ATP12A: variants seen among roughly 807,000 people sequenced by gnomAD.
ATP12A encodes the protein potassium-transporting ATPase alpha chain 2.
In ATP12A, 81 loss-of-function variants were observed where a neutral mutation model predicts 111.2. The observed-to-expected ratio is 0.73, with a 90% CI of 0.61 to 0.88. ATP12A has a LOEUF of 0.88. Among genes scored for constraint, ATP12A ranks in the 40% least tolerant of loss-of-function variants. The pLI is 0.00. For synonymous variants in ATP12A, 498 were observed against 499.8 expected (o/e 1.00, Z 0.05); for missense variants, 1,196 against 1,313.1 (o/e 0.91, Z 1.38).
chr13:24,708,952 A>G (rs923532872), intron 17 of ATP12A, among the ~76,000 whole-genome samples: 8 of 140,492 alleles, frequency 5.7e-5, no homozygotes, highest in African/African-American at 1.6e-4. Flanking sequence ...AAAGAAAGAA[A>G]GAAAGAAAGA....
intron 10 of ATP12A, among the ~76,000 whole-genome samples, chr13:24,693,143 C>T (rs1194224028): frequency 6.6e-6 from 1 of 152,198 alleles, no homozygotes; most frequent in Non-Finnish European, 1.5e-5. Flanking sequence ...AATGAATGCA[C>T]TTCTAAGTTA....
At chr13:24,687,439 G>A (rs1015488810) in intron 3 of ATP12A, among the ~76,000 whole-genome samples, 1 of 151,130 alleles carries the variant, frequency 6.6e-6, no homozygotes, top group African/African-American at 2.4e-5. Flanking sequence ...ACTCCAGCTT[G>A]GGCAACAGAG....
In ATP12A at chr13:24,698,536, AG is replaced by A. The variant is rs1875261072; in HGVS notation, c.1513-119del. The A allele has an allele frequency of 7.2e-6, 8 of 1,107,158 alleles. No homozygotes were observed. In the East Asian group the frequency reaches 1.8e-4, roughly 25 times the overall value. 68.6% of individuals were successfully genotyped at this position (1,107,158 alleles called of 1,614,324 possible). A position where few individuals can be genotyped will look rare whatever the true frequency, so the allele number is the denominator to read the frequency against. Reference sequence around the variant, plus strand: ...GTCTTACTTGGCCACAGAAAGAAAAAGGGCGGAACATGCTGAGGATGCCATT... The same window carrying A: ...GTCTTACTTGGCCACAGAAAGAAAAAGGCGGAACATGCTGAGGATGCCATT... On this transcript the variant is annotated intron_variant, in intron 11 of 22. Transcript: ENST00000381946.
rs767230777 is a variant in ATP12A at position 24,707,160 on chromosome 13, CT to C, written c.2309del (p.Phe770SerfsTer13). 1 of 1,614,066 alleles carries C rather than the reference CT, an allele frequency of 6.2e-7. No individual in the cohort carries two copies. The highest frequency in any genetic ancestry group is 2.2e-5 in the East Asian group (1 of 44,886). On this transcript the variant is annotated frameshift_variant, in exon 16 of 23. Transcript: ENST00000381946. LOFTEE classifies it high-confidence loss of function. ...CCGACATGGTCTTGCTGGACGACAA[CT>C]TCGCATCCATCGTCACAGGGGTGGA... Reference protein sequence around the residue: ...AADMVLLDDNFASIVTGVEEG... With the variant: ...AADMVLLDDNXASIVTGVEEG...
At position 24,694,512 on chromosome 13, in the gene ATP12A, G is replaced by C; in HGVS notation, c.1446G>C (p.Val482=). Residue 482 remains valine, a synonymous_variant, in exon 11 of 23, where the codon GTG becomes GTC. Coordinates refer to ENST00000381946, the MANE Select transcript of ATP12A (RefSeq NM_001676.7). ...TCTCAGAGGTCATTTTGGGTGATGT[G>C]ATGGAAATTAGAAAAAGAAACCGCA... ...LKFSEVILGD[V]MEIRKRNRKV... is the part of the protein sequence containing the mutation. 1 of 1,614,134 alleles carries C rather than the reference G, an allele frequency of 6.2e-7. No homozygotes were observed. Among genetic ancestry groups the C allele is most frequent in the Non-Finnish European group, 8.5e-7 (1 of 1,180,020 alleles).
intron 1 of ATP12A, 138 bp downstream of exon 1, chr13:24,680,890 C>A: frequency 7.5e-7 from 1 of 1,327,558 alleles, no homozygotes. Context: ...GCCGCCTTTC[C>A]TCTGAGCGCC....
intron 17 of ATP12A, among the ~76,000 whole-genome samples, chr13:24,708,960 AGAAG>A (rs201116371): frequency 0.035 from 4,374 of 126,470 alleles, 277 homozygotes; most frequent in South Asian, 0.092. Flanking sequence ...AAAGAAAGAA[AGAAG>A]GAAAGAGAAA....
In ATP12A at chr13:24,707,012, C is replaced by G. The variant is rs1208652244; in HGVS notation, c.2170-11C>G. 1.3e-6 allele frequency: 2 copies of G among 1,580,798 alleles called. No individual in the cohort carries two copies. Among genetic ancestry groups the G allele is most frequent in the Non-Finnish European group, 1.7e-6 (2 of 1,161,442 alleles). ...CTCACTCCCACTTTCTCCCTGGGTC[C>G]CCCGCCATAGGATGCTGTTGTTGCT... On this transcript the variant is annotated splice_polypyrimidine_tract_variant and intron_variant, in intron 15 of 22. Transcript: ENST00000381946.
Position 24,681,664 on chromosome 13 carries a change from T to A in ATP12A, c.112T>A (p.Cys38Ser). ...KEKYRGLKNN[C>S]LELKKKNHKE... ...GAAGTATAGGGGTCTGAAGAACAACTGCCTGGAACTCAAAAAGAAAAATCA... is the reference window on the plus strand; with the variant it reads ...GAAGTATAGGGGTCTGAAGAACAACAGCCTGGAACTCAAAAAGAAAAATCA... Residue 38 changes from cysteine to serine, a missense_variant, in exon 2 of 23, where the codon TGC (cysteine) becomes AGC (serine). By Grantham distance (112) the Cys-to-Ser change is moderately radical. Around this residue, in one of 3 missense-constraint regions of ATP12A, gnomAD observed 67 missense variants for 64.0 expected, o/e 1.05. Coordinates refer to ENST00000381946, the MANE Select transcript of ATP12A (RefSeq NM_001676.7). The A allele has an allele frequency of 6.2e-7, 1 of 1,614,144 alleles. No individual in the cohort carries two copies.
intron 11 of ATP12A, among the ~76,000 whole-genome samples, chr13:24,696,506 A>G (rs1875161004): frequency 1.3e-5 from 1 of 75,762 alleles, no homozygotes; most frequent in South Asian, 5.9e-4. Flanking sequence ...GGAGATCGAG[A>G]CCATCCTGGC....
chr13:24,707,647 G>T (rs778338440), intron 17 of ATP12A, among the ~76,000 whole-genome samples: 10 of 152,218 alleles, frequency 6.6e-5, no homozygotes, highest in Admixed American at 2.6e-4. Flanking sequence ...AGAGGCATCT[G>T]CCAAATGTTT....
At position 24,698,665 on chromosome 13, in the gene ATP12A, T is replaced by A. The variant is rs1173664256; in HGVS notation, c.1520T>A (p.Ile507Asn). 1 of 1,613,276 alleles carries A rather than the reference T, an allele frequency of 6.2e-7. No individual in the cohort carries two copies. Among genetic ancestry groups the A allele is most frequent in the Non-Finnish European group, 8.5e-7 (1 of 1,179,966 alleles). The stretch of plus-strand genomic sequence containing the variant: ...CAGTTCATTCCTTCCCAGCTCTCCA[T>A]CCACGAGATGGATGACCCCCACGGC... ...FNSTNKFQLS[I>N]HEMDDPHGKR... is the part of the protein sequence containing the mutation. The change falls in exon 12 of 23, where the codon ATC becomes AAC. Residue 507 changes from isoleucine (I) to asparagine (N), a missense_variant. Transcript: ENST00000381946.
chr13:24,701,069 G>C (rs1354518619), intron 13 of ATP12A, 147 bp downstream of exon 13: 5 of 997,604 alleles, frequency 5.0e-6, no homozygotes, highest in African/African-American at 3.3e-5. Flanking sequence ...CTGTGCTAAG[G>C]TTACTGAAAC....
At chr13:24,692,962 T>G (rs1416364790) in intron 10 of ATP12A, 66 bp downstream of exon 10, 13 of 1,433,340 alleles carry the variant, frequency 9.1e-6, no homozygotes, top group Non-Finnish European at 1.3e-5. Flanking sequence ...GAGGTCTGAT[T>G]GGGTGCTTGA....
Position 24,690,355 on chromosome 13 carries a change from A to C in ATP12A, c.564A>C (p.Arg188=). 6.2e-7 allele frequency: 1 copy of C among 1,612,926 alleles called. No homozygotes were observed. Residue 188 remains arginine, a synonymous_variant, in exon 6 of 23, where the codon CGA becomes CGC. Coordinates refer to ENST00000381946, the MANE Select transcript of ATP12A (RefSeq NM_001676.7). ...KMIPQQALVI[R]DSEKKTIPSE... is the part of the protein sequence containing the mutation. The stretch of plus-strand genomic sequence containing the variant: ...TTCTGCAGCAAGCTCTCGTCATCCG[A>C]GATTCCGAGAAGAAGACCATCCCTT...
chr13:24,686,578 A>ATT (rs1874676600), intron 3 of ATP12A, among the ~76,000 whole-genome samples: 1 of 152,068 alleles, frequency 6.6e-6, no homozygotes, highest in South Asian at 2.1e-4. Flanking sequence ...GTCTCTACTA[A>ATT]AAATACAAAA....
rs1875917823 is a variant in ATP12A at position 24,710,541 on chromosome 13, C to G, written c.2845C>G (p.Leu949Val). 4.3e-6 allele frequency: 7 copies of G among 1,614,258 alleles called. No homozygotes were observed. The highest frequency in any genetic ancestry group is 2.2e-5 in the East Asian group (1 of 44,886). Residue 949 changes from leucine (L) to valine (V), a missense_variant, in exon 20 of 23, where the codon CTG (leucine) becomes GTG (valine). Physicochemically the swap from Leu to Val is conservative, Grantham distance 32. Coordinates refer to ENST00000381946, the MANE Select transcript of ATP12A (RefSeq NM_001676.7). ...VGILVQQIAD[L>V]IIRKTRRNSI... is the part of the protein sequence containing the mutation. ...CATCCTAGTCCAGCAAATAGCAGAT[C>G]TGATCATCAGGAAAACCCGGAGGAA...
chr13:24,685,238 A>G lies in ATP12A; in HGVS notation c.169-76A>G. Reference sequence around the variant, plus strand: ...CTCAGGGCTGCTACTCCCAGCTTCCATGGCTGGTCAAAGCTTGGGGCTTGA... The same window carrying G: ...CTCAGGGCTGCTACTCCCAGCTTCCGTGGCTGGTCAAAGCTTGGGGCTTGA... On this transcript the variant is annotated intron_variant, in intron 2 of 22. Coordinates refer to ENST00000381946, the MANE Select transcript of ATP12A (RefSeq NM_001676.7). This position sits in a 1 kb window ranked among gnomAD's most constrained non-coding sequence, Gnocchi z 5.5. 5 of 1,431,882 alleles carry G rather than the reference A, an allele frequency of 3.5e-6. No individual in the cohort carries two copies. Among genetic ancestry groups the G allele is most frequent in the Non-Finnish European group, 4.9e-6 (5 of 1,015,068 alleles). 88.7% of individuals were successfully genotyped at this position (1,431,882 alleles called of 1,614,324 possible). A position where few individuals can be genotyped will look rare whatever the true frequency, so the allele number is the denominator to read the frequency against.
chr13:24,695,125 C>G (rs1312163493), intron 11 of ATP12A, among the ~76,000 whole-genome samples: 2 of 152,240 alleles, frequency 1.3e-5, no homozygotes, highest in African/African-American at 4.8e-5. Flanking sequence ...CAGAGTCACA[C>G]AGCACCCAGT....
Sources: gnomAD v4.1 joint callset for allele counts (sites outside exome capture counted in the v4.1 genomes callset) on GRCh38, gnomAD v4.1.1 for gene constraint, gnomAD v4.1.1 regional missense constraint, Gnocchi (gnomAD v3.1) non-coding constraint, MANE v1.5 for transcripts, NCBI Gene and HGNC (gene_info 2026-07-23, HGNC 2026-07-21) for gene names.